The following MGAT5 variants were observed in gnomAD, a reference collection of about 807,000 sequenced individuals.
MGAT5 encodes the protein alpha-1,6-mannosylglycoprotein 6-beta-N-acetylglucosaminyltransferase A.
A neutral mutation model predicts 94.3 loss-of-function variants in MGAT5; 30 were observed. The ratio of observed to expected loss-of-function variants is 0.32; its 90% CI spans 0.24 to 0.43. The LOEUF (loss-of-function observed/expected upper bound fraction) is 0.43, where lower values mean the gene tolerates loss of function less well. Ranked by LOEUF, MGAT5 falls within the 20% of genes least tolerant of loss-of-function variation. The pLI is 1.00. For synonymous variants in MGAT5, 310 were observed against 322.9 expected (o/e 0.96, Z 0.43); for missense variants, 691 against 905.5 (o/e 0.76, Z 3.04).
At chr2:134,304,049 G>A (rs941462430) in intron 2 of MGAT5, among the ~76,000 whole-genome samples, 2 of 152,274 alleles carry the variant, frequency 1.3e-5, no homozygotes, top group Middle Eastern at 3.4e-3. Context: ...AAGCTTCTCT[G>A]CTATTGCCAA....
At chr2:134,405,323 C>T (rs879500437) in intron 11 of MGAT5, among the ~76,000 whole-genome samples, 3 of 152,210 alleles carry the variant, frequency 2.0e-5, no homozygotes, top group Non-Finnish European at 4.4e-5. Context: ...TCACTGATCC[C>T]ATTACCTATT....
chr2:134,427,820 T>C (rs16830611), intron 13 of MGAT5, among the ~76,000 whole-genome samples: 40,035 of 152,142 alleles, frequency 0.26, 6,848 homozygotes, highest in African/African-American at 0.48. Context: ...TCTTCGGATA[T>C]AGGCTAACCT....
intron 1 of MGAT5, among the ~76,000 whole-genome samples, chr2:134,158,858 T>C (rs1426081119): frequency 6.6e-6 from 1 of 152,232 alleles, no homozygotes; most frequent in African/African-American, 2.4e-5. Flanking sequence ...CCCTTCACTG[T>C]CTGAATCTGG....
At chr2:134,439,436 C>A (rs898213801) in intron 14 of MGAT5, among the ~76,000 whole-genome samples, 25 of 152,192 alleles carry the variant, frequency 1.6e-4, no homozygotes, top group Admixed American at 7.2e-4. Context: ...GTGGCTCACA[C>A]CTGTAATCCC....
intron 4 of MGAT5, among the ~76,000 whole-genome samples, chr2:134,323,341 C>T (rs1687441890): frequency 6.6e-6 from 1 of 152,230 alleles, no homozygotes; most frequent in East Asian, 1.9e-4. Context: ...TATTGATGCT[C>T]CACTGTACCA....
intron 10 of MGAT5, among the ~76,000 whole-genome samples, chr2:134,387,332 A>ATATATATATATATATATGTATTT: frequency 4.1e-5 from 1 of 24,274 alleles, no homozygotes; most frequent in East Asian, 2.6e-3. Flanking sequence ...ATATATATAT[A>ATATATATATATATATATGTATTT]TTTTTTTTTT....
chr2:134,271,215 G>T (rs1684006324), intron 2 of MGAT5, among the ~76,000 whole-genome samples: 2 of 146,540 alleles, frequency 1.4e-5, no homozygotes, highest in Admixed American at 6.9e-5. Context: ...GCTCACATTA[G>T]AACCCCCCCA....
At chr2:134,159,340 C>T (rs917445105) in intron 1 of MGAT5, among the ~76,000 whole-genome samples, 2 of 151,904 alleles carry the variant, frequency 1.3e-5, no homozygotes, top group Non-Finnish European at 2.9e-5. Context: ...TGCAATGTGT[C>T]TGCTAAGTGA....
At chr2:134,146,322 C>G (rs1006169568) in intron 1 of MGAT5, among the ~76,000 whole-genome samples, 1 of 152,040 alleles carries the variant, frequency 6.6e-6, no homozygotes, top group Non-Finnish European at 1.5e-5. Flanking sequence ...TGTTGGGAGG[C>G]CCAGGTGGGA....
intron 1 of MGAT5, among the ~76,000 whole-genome samples, chr2:134,177,466 A>C (rs1227228139): frequency 1.3e-5 from 2 of 152,074 alleles, no homozygotes; most frequent in African/African-American, 4.8e-5. Flanking sequence ...GAACACAGTC[A>C]CCTGGTCACC....
rs1486663043 is a variant in MGAT5, at chr2:134,449,966, TC to T, written c.*1121del. On this transcript the variant is annotated 3_prime_UTR_variant, in exon 16 of 16. Coordinates refer to ENST00000281923, the MANE Select transcript of MGAT5 (RefSeq NM_002410.5). The stretch of plus-strand genomic sequence containing the variant: ...AGCTCAGGATGAATGCAGTGCCCTG[TC>T]CTGGCTACTCACCTGAGGGTGTAGC... 6.6e-6 allele frequency: 1 copy of T among 152,310 alleles called. No homozygotes were observed. Among genetic ancestry groups the T allele is most frequent in the African/African-American group, 2.4e-5 (1 of 41,424 alleles). 9.4% of individuals were successfully genotyped at this position (152,310 alleles called of 1,614,324 possible).
chr2:134,343,633 G>A (rs115554504), intron 7 of MGAT5, among the ~76,000 whole-genome samples: 3 of 152,098 alleles, frequency 2.0e-5, no homozygotes, highest in Admixed American at 6.5e-5. Context: ...ACAACCCTTG[G>A]GGGTAGGACA....
intron 2 of MGAT5, among the ~76,000 whole-genome samples, chr2:134,273,612 G>A (rs13397256): frequency 0.037 from 5,242 of 140,770 alleles, 262 homozygotes; most frequent in African/African-American, 0.13. Context: ...TTTTCTTTAG[G>A]GGGATAGCTC....
chr2:134,260,201 G>C (rs2105554618), intron 1 of MGAT5, among the ~76,000 whole-genome samples: 1 of 152,318 alleles, frequency 6.6e-6, no homozygotes, highest in African/African-American at 2.4e-5. Context: ...TATGACTTCT[G>C]GTATCAATAT....
At chr2:134,297,196 CAAAAAAA>C (rs143685303) in intron 2 of MGAT5, among the ~76,000 whole-genome samples, 1 of 100,480 alleles carries the variant, frequency 1.0e-5, no homozygotes. Context: ...GACCTGGTCT[CAAAAAAA>C]AAAAAAAAAA....
At chr2:134,231,867 C>T (rs1009769019) in intron 1 of MGAT5, among the ~76,000 whole-genome samples, 22 of 152,150 alleles carry the variant, frequency 1.4e-4, no homozygotes, top group Admixed American at 6.5e-5. Context: ...TTGTCTGTCC[C>T]CTGGTACTTT....
chr2:134,304,813 C>T (rs1686233803), intron 2 of MGAT5, among the ~76,000 whole-genome samples: 1 of 152,192 alleles, frequency 6.6e-6, no homozygotes, highest in South Asian at 2.1e-4. Flanking sequence ...TGGGCACAAG[C>T]AGTCTTCCTG....
At chr2:134,120,474 G>T (rs1052189976) in intron 1 of MGAT5, among the ~76,000 whole-genome samples, 1 of 151,948 alleles carries the variant, frequency 6.6e-6, no homozygotes, top group Non-Finnish European at 1.5e-5. Flanking sequence ...TGGGTGCCCC[G>T]GCCCCGGCCG....
At chr2:134,444,897 G>A (rs536998595) in intron 15 of MGAT5, among the ~76,000 whole-genome samples, 4 of 152,208 alleles carry the variant, frequency 2.6e-5, no homozygotes, top group African/African-American at 9.6e-5. Flanking sequence ...ATTCAGGTGC[G>A]ACCCACATCC....
Sources: gnomAD v4.1 joint callset for allele counts (sites outside exome capture counted in the v4.1 genomes callset) on GRCh38, gnomAD v4.1.1 for gene constraint, MANE v1.5 for transcripts, NCBI Gene and HGNC (gene_info 2026-07-23, HGNC 2026-07-21) for gene names.